The following HS6ST3 variants were observed in gnomAD, a reference collection of about 807,000 sequenced individuals.
The protein encoded by HS6ST3 is heparan-sulfate 6-O-sulfotransferase 3.
Under a neutral mutation model 36.7 loss-of-function variants are expected in HS6ST3, and 12 were observed. The observed-to-expected ratio is 0.33, with a 90% CI of 0.21 to 0.53. HS6ST3 has a LOEUF of 0.53. Ranked by LOEUF, HS6ST3 falls within the 20% of genes least tolerant of loss-of-function variation. HS6ST3 has a pLI of 0.95. For synonymous variants in HS6ST3, 240 were observed against 257.5 expected, an observed-to-expected ratio of 0.93 and a Z score of 0.65; for missense variants, 584 against 640.9, an observed-to-expected ratio of 0.91 and a Z score of 0.96.
At chr13:96,381,402 G>GTATCTATCTATCTATCTATCTATC (rs1278427681) in intron 1 of HS6ST3, among the ~76,000 whole-genome samples, 7 of 54,646 alleles carry the variant, frequency 1.3e-4, no homozygotes, top group South Asian at 8.1e-4. Flanking sequence ...ATGTATCTAT[G>GTATCTATCTATCTATCTATCTATC]TATCTATGTA....
intron 1 of HS6ST3, among the ~76,000 whole-genome samples, chr13:96,277,391 G>A (rs952337675): frequency 1.3e-5 from 2 of 152,150 alleles, no homozygotes; most frequent in African/African-American, 4.8e-5. Context: ...CTATTATAAT[G>A]TGGAGACCTA....
At chr13:96,576,164 G>C (rs190717459) in intron 1 of HS6ST3, among the ~76,000 whole-genome samples, 1 of 152,100 alleles carries the variant, frequency 6.6e-6, no homozygotes, top group East Asian at 1.9e-4. Flanking sequence ...GGAAGGGAAC[G>C]GGCGAGGGTG....
intron 1 of HS6ST3, among the ~76,000 whole-genome samples, chr13:96,544,871 A>G (rs1251300653): frequency 6.6e-6 from 1 of 152,202 alleles, no homozygotes; most frequent in Admixed American, 6.5e-5. Flanking sequence ...TCATTATATT[A>G]TTTAAAAATG....
intron 1 of HS6ST3, among the ~76,000 whole-genome samples, chr13:96,422,567 A>T (rs2055567312): frequency 6.6e-6 from 1 of 152,186 alleles, no homozygotes; most frequent in Non-Finnish European, 1.5e-5. Context: ...AGATTTTGAG[A>T]AGGATGAAGG....
Position 96,509,978 on chromosome 13 carries a change from T to C in HS6ST3, c.708-322512T>C, listed in dbSNP as rs140234626. 5.7e-3 allele frequency among the ~76,000 whole-genome samples: 865 copies of C among 152,320 alleles called. 8 individuals carry two copies. Among genetic ancestry groups the C allele is most frequent in the African/African-American group, 0.02 (815 of 41,588 alleles). Reference sequence around the variant, plus strand: ...TATTGATTCTCCCAATCCATGAGCATGGGATGTGTTTCCATTTGTTTGTGT... The same window carrying C: ...TATTGATTCTCCCAATCCATGAGCACGGGATGTGTTTCCATTTGTTTGTGT... On this transcript the variant is annotated intron_variant, in intron 1 of 1. Transcript: ENST00000376705.
At chr13:96,305,847 A>ATTT (rs574864875) in intron 1 of HS6ST3, among the ~76,000 whole-genome samples, 38 of 122,860 alleles carry the variant, frequency 3.1e-4, no homozygotes, top group Non-Finnish European at 5.1e-4. Flanking sequence ...CCCTTAGTTA[A>ATTT]TTTTTTTTTT....
chr13:96,559,220 G>C (rs1469938538), intron 1 of HS6ST3, among the ~76,000 whole-genome samples: 1 of 152,042 alleles, frequency 6.6e-6, no homozygotes, highest in Non-Finnish European at 1.5e-5. Flanking sequence ...GAGTTCAGGT[G>C]ATTCTCGTGC....
intron 1 of HS6ST3, among the ~76,000 whole-genome samples, chr13:96,203,569 G>T (rs1345931786): frequency 6.6e-6 from 1 of 152,138 alleles, no homozygotes; most frequent in African/African-American, 2.4e-5. Context: ...AAATTAATTT[G>T]CTTCCACTGT....
intron 1 of HS6ST3, among the ~76,000 whole-genome samples, chr13:96,346,751 G>A (rs1304498447): frequency 6.6e-6 from 1 of 152,094 alleles, no homozygotes. Flanking sequence ...CTGTCTCACA[G>A]ATGGCGCCCA....
At chr13:96,639,044 G>C (rs1311184300) in intron 1 of HS6ST3, among the ~76,000 whole-genome samples, 1 of 151,912 alleles carries the variant, frequency 6.6e-6, no homozygotes, top group Non-Finnish European at 1.5e-5. Flanking sequence ...TCTGTTGAGG[G>C]GAGACTTCAA....
At chr13:96,616,222 T>C (rs1436948694) in intron 1 of HS6ST3, among the ~76,000 whole-genome samples, 1 of 152,288 alleles carries the variant, frequency 6.6e-6, no homozygotes, top group East Asian at 1.9e-4. Flanking sequence ...ATGGTAATGG[T>C]CTGGAATTCA....
chr13:96,485,929 A>T (rs948102990), intron 1 of HS6ST3, among the ~76,000 whole-genome samples: 23 of 152,040 alleles, frequency 1.5e-4, no homozygotes, highest in African/African-American at 5.3e-4. Flanking sequence ...TTAGTTACAT[A>T]TGTATACATG....
intron 1 of HS6ST3, among the ~76,000 whole-genome samples, chr13:96,589,162 G>T (rs1176247525): frequency 6.6e-6 from 1 of 151,678 alleles, no homozygotes; most frequent in African/African-American, 2.4e-5. Context: ...CAGCAGTAAA[G>T]CCACCAGGTC....
At chr13:96,281,038 C>A (rs567881047) in intron 1 of HS6ST3, among the ~76,000 whole-genome samples, 30 of 152,126 alleles carry the variant, frequency 2.0e-4, no homozygotes, top group Admixed American at 2.0e-3. Context: ...GATGGAGTCT[C>A]GCTCTATCAC....
intron 1 of HS6ST3, among the ~76,000 whole-genome samples, chr13:96,098,680 G>A (rs1015854114): frequency 2.7e-5 from 2 of 72,736 alleles, no homozygotes; most frequent in Admixed American, 1.2e-4. Flanking sequence ...TAAAATAAAA[G>A]CATGAACTCT....
intron 1 of HS6ST3, among the ~76,000 whole-genome samples, chr13:96,496,952 T>C (rs1290334863): frequency 6.6e-6 from 1 of 152,132 alleles, no homozygotes; most frequent in Non-Finnish European, 1.5e-5. Context: ...GGTTGTGTGC[T>C]GCCCCGGTGG....
chr13:96,292,584 C>G (rs1203538304), intron 1 of HS6ST3, among the ~76,000 whole-genome samples: 2 of 148,860 alleles, frequency 1.3e-5, no homozygotes, highest in Non-Finnish European at 3.0e-5. Context: ...AAGTATAAAA[C>G]TATAAATATA....
chr13:96,192,778 A>G (rs2054294544), intron 1 of HS6ST3, among the ~76,000 whole-genome samples: 1 of 152,082 alleles, frequency 6.6e-6, no homozygotes. Context: ...ATACTCAATA[A>G]TGGGATTATT....
At chr13:96,616,469 C>A (rs909666012) in intron 1 of HS6ST3, among the ~76,000 whole-genome samples, 11 of 152,124 alleles carry the variant, frequency 7.2e-5, no homozygotes, top group Admixed American at 6.5e-5. Context: ...CCAGTCTTCA[C>A]CTTTGTAATA....
Sources: gnomAD v4.1 joint callset for allele counts (sites outside exome capture counted in the v4.1 genomes callset) on GRCh38, gnomAD v4.1.1 for gene constraint, MANE v1.5 for transcripts, NCBI Gene and HGNC (gene_info 2026-07-23, HGNC 2026-07-21) for gene names.